CSMD1: variants seen among roughly 807,000 people sequenced by gnomAD.
CSMD1 encodes CUB and sushi domain-containing protein 1.
Under a neutral mutation model 417.5 loss-of-function variants are expected in CSMD1, and 213 were observed. The ratio of observed to expected loss-of-function variants is 0.51; its 90% CI spans 0.46 to 0.57. The LOEUF (loss-of-function observed/expected upper bound fraction) is 0.57, where lower values mean the gene tolerates loss of function less well. Ranked by LOEUF, CSMD1 falls within the 20% of genes least tolerant of loss-of-function variation. The probability of loss-of-function intolerance (pLI) is 0.00; values close to 1 mark genes in which losing one functional copy is unlikely to be tolerated. For synonymous variants in CSMD1, 2,862 were observed against 1,736.8 expected, an observed-to-expected ratio of 1.65 and a Z score of -16.11; for missense variants, 6,923 against 4,529.7, an observed-to-expected ratio of 1.53 and a Z score of -15.17.
intron 5 of CSMD1, among the ~76,000 whole-genome samples, chr8:3,947,393 G>T (rs1026724601): frequency 6.6e-6 from 1 of 152,126 alleles, no homozygotes; most frequent in African/African-American, 2.4e-5. Context: ...TGGTCATGAC[G>T]TGCTATCCTT....
chr8:4,901,584 C>A (rs1425705282), intron 1 of CSMD1, among the ~76,000 whole-genome samples: 2 of 151,974 alleles, frequency 1.3e-5, no homozygotes, highest in African/African-American at 2.4e-5. Flanking sequence ...TGTTTCTTTA[C>A]GTTTCCGGAC....
chr8:4,638,548 G>C (rs749038763), intron 1 of CSMD1, among the ~76,000 whole-genome samples: 7 of 152,202 alleles, frequency 4.6e-5, no homozygotes, highest in Non-Finnish European at 8.8e-5. Context: ...GTTCACACAG[G>C]CAGGACTTAG....
intron 2 of CSMD1, among the ~76,000 whole-genome samples, chr8:4,636,873 T>A (rs1030721742): frequency 1.3e-5 from 2 of 152,084 alleles, no homozygotes; most frequent in African/African-American, 2.4e-5. Context: ...TACAAGAGGA[T>A]TGTAAAATGC....
At chr8:3,839,448 T>C (rs1408527613) in intron 5 of CSMD1, among the ~76,000 whole-genome samples, 1 of 119,278 alleles carries the variant, frequency 8.4e-6, no homozygotes, top group Non-Finnish European at 1.6e-5. Context: ...TTATATATTA[T>C]AATATAATAT....
At chr8:4,009,741 G>T (rs940211236) in intron 4 of CSMD1, among the ~76,000 whole-genome samples, 1 of 151,950 alleles carries the variant, frequency 6.6e-6, no homozygotes, top group Non-Finnish European at 1.5e-5. Flanking sequence ...CTCCACAGGC[G>T]CTCACTCCTC....
chr8:3,728,280 A>G (rs996231543), intron 6 of CSMD1, among the ~76,000 whole-genome samples: 10 of 152,126 alleles, frequency 6.6e-5, no homozygotes, highest in Non-Finnish European at 1.0e-4. Flanking sequence ...ACCATGTAAG[A>G]CATCCCTTTG....
chr8:4,538,607 T>G (rs113168764), intron 2 of CSMD1, among the ~76,000 whole-genome samples: 12 of 151,894 alleles, frequency 7.9e-5, no homozygotes, highest in Non-Finnish European at 1.5e-4. Flanking sequence ...CGCACCACTG[T>G]ACTCCAGTAT....
chr8:3,452,766 G>T (rs184519452), intron 12 of CSMD1, among the ~76,000 whole-genome samples: 1 of 152,254 alleles, frequency 6.6e-6, no homozygotes, highest in African/African-American at 2.4e-5. Context: ...AGGGATATTG[G>T]TCTAAAATTC....
rs534896233 is a variant in CSMD1, at chr8:4,755,982, T to C, written c.86-118424A>G. Among the ~76,000 whole-genome samples the C allele has an allele frequency of 1.6e-4, 24 of 152,346 alleles. No individual in the cohort carries two copies. In the East Asian group the frequency reaches 1.9e-3, roughly 12 times the overall value. On this transcript the variant is annotated intron_variant, in intron 1 of 69. Transcript: ENST00000635120. ...TTATTAACAAAATCAAACTATATGA[T>C]GAATTATTTAGTATGTGTGAGTATT...
chr8:3,819,219 C>T (rs981201670), intron 5 of CSMD1, among the ~76,000 whole-genome samples: 3 of 152,090 alleles, frequency 2.0e-5, no homozygotes, highest in African/African-American at 7.2e-5. Context: ...CTATGGACAA[C>T]CCTCTTTGGG....
At chr8:4,349,493 T>C (rs79236760) in intron 3 of CSMD1, among the ~76,000 whole-genome samples, 5 of 152,170 alleles carry the variant, frequency 3.3e-5, no homozygotes, top group African/African-American at 1.2e-4. Context: ...GAGAGCTCTA[T>C]CTAGAATCTA....
chr8:4,804,964 T>A (rs1437276808), intron 1 of CSMD1, among the ~76,000 whole-genome samples: 1 of 152,198 alleles, frequency 6.6e-6, no homozygotes, highest in Non-Finnish European at 1.5e-5. Context: ...GAACTTGAAA[T>A]TAATTTCCAC....
At chr8:4,588,201 T>C (rs756693686) in intron 2 of CSMD1, among the ~76,000 whole-genome samples, 7 of 152,002 alleles carry the variant, frequency 4.6e-5, no homozygotes, top group Admixed American at 2.6e-4. Flanking sequence ...TATATTTAAA[T>C]AGAGAAGAAA....
intron 3 of CSMD1, among the ~76,000 whole-genome samples, chr8:4,373,975 C>G (rs1320746842): frequency 6.6e-6 from 1 of 152,164 alleles, no homozygotes; most frequent in East Asian, 1.9e-4. Flanking sequence ...TGATATATAC[C>G]ATTAACGGAA....
In CSMD1 at chr8:3,359,257, G is replaced by C. The variant is rs117715350; in HGVS notation, c.3199C>G (p.Leu1067Val). 5 of 1,613,774 alleles carry C rather than the reference G, an allele frequency of 3.1e-6. No homozygotes were observed. The highest frequency in any genetic ancestry group is 1.1e-5 in the South Asian group (1 of 91,084). Residue 1067 changes from leucine to valine, a missense_variant, in exon 21 of 70, where the codon CTG becomes GTG. By Grantham distance (32) the Leu-to-Val change is conservative. Transcript: ENST00000635120. ...IGFHFGVGDS[L>V]TFSCFLGYRL... is the part of the protein sequence containing the mutation. ...TATCCCAGGAAGCAGGAAAACGTCAGAGAGTCTCCCACACCAAAGTGAAAA... is the reference window on the plus strand; with the variant it reads ...TATCCCAGGAAGCAGGAAAACGTCACAGAGTCTCCCACACCAAAGTGAAAA...
rs527551795 is a variant in CSMD1, at chr8:3,492,362, C to G, written c.1448+1261G>C. Among the ~76,000 whole-genome samples, 4 of 152,220 alleles carry G rather than the reference C, an allele frequency of 2.6e-5. No homozygotes were observed. In the South Asian group the frequency reaches 6.2e-4, roughly 24 times the overall value. On this transcript the variant is annotated intron_variant, in intron 11 of 69. Transcript: ENST00000635120. ...TCTCACATAGGGCAGACCAGCTCAT[C>G]TGGCACCACAGAAACTCTCTTTCCC...
At chr8:3,829,207 G>T (rs182641049) in intron 5 of CSMD1, among the ~76,000 whole-genome samples, 182 of 152,084 alleles carry the variant, frequency 1.2e-3, no homozygotes, top group African/African-American at 4.3e-3. Flanking sequence ...AGTCCTCAAA[G>T]TCCATTGTAT....
rs1332163641 is a variant in CSMD1 at position 2,951,235 on chromosome 8, C to T, written c.10080G>A (p.Gly3360=). 4.4e-6 allele frequency: 7 copies of T among 1,607,010 alleles called. No individual in the cohort carries two copies. The highest frequency in any genetic ancestry group is 5.9e-6 in the Non-Finnish European group (7 of 1,176,642). ...GTCTTTTCCCTAAATATTCATAATA[C>T]CCCTTCCACAGTGAATTGACGAAAA... ...DVFFVNSLWK[G]YYEYLGKRQP... The change falls in exon 66 of 70, where the codon GGG becomes GGA. Residue 3360 remains glycine (G), a synonymous_variant. Transcript: ENST00000635120.
chr8:4,691,044 G>A (rs760908791), intron 1 of CSMD1, among the ~76,000 whole-genome samples: 14 of 152,100 alleles, frequency 9.2e-5, no homozygotes, highest in African/African-American at 2.4e-4. Context: ...TTTTTACGCC[G>A]TGCTTTGAAA....
Sources: allele counts gnomAD v4.1 joint callset (sites outside exome capture counted in the v4.1 genomes callset), GRCh38; gene constraint gnomAD v4.1.1; transcripts MANE v1.5; gene names NCBI Gene and HGNC (gene_info 2026-07-23, HGNC 2026-07-21).